SORCS1: variants seen among roughly 807,000 people sequenced by gnomAD.
The protein encoded by SORCS1 is sortilin related VPS10 domain containing receptor 1.
In SORCS1, 60 loss-of-function variants were observed where a neutral mutation model predicts 146.1. That is an observed-to-expected ratio of 0.41 (90% CI 0.33 to 0.51). The LOEUF (loss-of-function observed/expected upper bound fraction) is 0.51, where lower values mean the gene tolerates loss of function less well. Ranked by LOEUF, SORCS1 falls within the 20% of genes least tolerant of loss-of-function variation. The probability of loss-of-function intolerance (pLI) is 0.21; values close to 1 mark genes in which losing one functional copy is unlikely to be tolerated. For synonymous variants in SORCS1, 637 were observed against 584.0 expected (o/e 1.09, Z -1.31); for missense variants, 1,352 against 1,487.6 (o/e 0.91, Z 1.50).
chr10:106,635,179 A>G (rs937256591), intron 18 of SORCS1, among the ~76,000 whole-genome samples: 4 of 152,224 alleles, frequency 2.6e-5, no homozygotes, highest in African/African-American at 7.2e-5. Context: ...CACTGGGACA[A>G]TAAATGCTAT....
intron 1 of SORCS1, among the ~76,000 whole-genome samples, chr10:107,144,707 G>A (rs1968154337): frequency 6.6e-6 from 1 of 152,228 alleles, no homozygotes; most frequent in African/African-American, 2.4e-5. Context: ...CTGTCTCATA[G>A]GGAACAGCTC....
intron 1 of SORCS1, among the ~76,000 whole-genome samples, chr10:107,046,049 C>T (rs976329220): frequency 2.5e-4 from 38 of 152,038 alleles, no homozygotes; most frequent in African/African-American, 8.4e-4. Context: ...CGGGTTCAAG[C>T]GATCCTCCTG....
At chr10:106,879,147 C>CAAAAAAA (rs34140161) in intron 2 of SORCS1, among the ~76,000 whole-genome samples, 3 of 135,966 alleles carry the variant, frequency 2.2e-5, no homozygotes, top group Non-Finnish European at 4.8e-5. Context: ...GAGACTCCAT[C>CAAAAAAA]AAAAAAAAAA....
chr10:106,842,099 G>A (rs1949071335), intron 2 of SORCS1, among the ~76,000 whole-genome samples: 1 of 151,960 alleles, frequency 6.6e-6, no homozygotes, highest in African/African-American at 2.4e-5. Flanking sequence ...TGTTCTCAGT[G>A]TTTTAGATTT....
At chr10:107,175,088 A>G in the SORCS1 span, among the ~76,000 whole-genome samples, 4 of 152,186 alleles carry the variant, frequency 2.6e-5, no homozygotes, top group African/African-American at 9.6e-5. Context: ...AGCTAATTTT[A>G]CCTTCCTAGA....
intron 3 of SORCS1, among the ~76,000 whole-genome samples, chr10:106,799,978 T>C (rs61576041): frequency 0.04 from 6,102 of 152,280 alleles, 398 homozygotes; most frequent in African/African-American, 0.14. Flanking sequence ...GATTCAGAAG[T>C]GACTGAAAGC....
chr10:106,872,249 T>C (rs1950437142), intron 2 of SORCS1, among the ~76,000 whole-genome samples: 2 of 152,156 alleles, frequency 1.3e-5, no homozygotes, highest in South Asian at 2.1e-4. Flanking sequence ...AATGACATAA[T>C]TGGGCCAGGT....
intron 1 of SORCS1, among the ~76,000 whole-genome samples, chr10:107,145,779 G>A (rs1262867017): frequency 2.0e-5 from 3 of 152,130 alleles, no homozygotes; most frequent in Non-Finnish European, 4.4e-5. Context: ...AACTAAAACA[G>A]TTTCTGATTT....
chr10:106,617,623 T>G (rs1050328246), intron 21 of SORCS1, among the ~76,000 whole-genome samples: 5 of 152,320 alleles, frequency 3.3e-5, no homozygotes, highest in Middle Eastern at 6.8e-3. Flanking sequence ...ATTAGCCATT[T>G]GTTCAAATAT....
intron 10 of SORCS1, among the ~76,000 whole-genome samples, chr10:106,682,846 A>C (rs2135578266): frequency 6.6e-6 from 1 of 152,316 alleles, no homozygotes; most frequent in African/African-American, 2.4e-5. Flanking sequence ...TTCCACATTA[A>C]GAAAATGTAG....
intron 3 of SORCS1, among the ~76,000 whole-genome samples, chr10:106,809,125 T>C (rs2136753938): frequency 6.6e-6 from 1 of 152,268 alleles, no homozygotes; most frequent in South Asian, 2.1e-4. Flanking sequence ...AAGGCTTTTT[T>C]CGTTCTTCTT....
chr10:106,679,294 T>C lies in SORCS1; in HGVS notation c.1702A>G (p.Met568Val). 1.2e-6 allele frequency: 2 copies of C among 1,613,460 alleles called. No individual in the cohort carries two copies. Among genetic ancestry groups the C allele is most frequent in the Non-Finnish European group, 1.7e-6 (2 of 1,179,588 alleles). ...TTCCCTGCATCTGAAGAGACAAACA[T>C]GCTGATGTCAGTGTCTGACAATTCA... The part of the protein sequence containing the change: ...GSELSDTDIS[M>V]FVSSDAGNTW... Residue 568 changes from methionine (M) to valine (V), a missense_variant, in exon 12 of 26, where the codon ATG becomes GTG. Around this residue, in one of 3 missense-constraint regions of SORCS1, gnomAD observed 648 missense variants for 793.8 expected, o/e 0.82. Transcript: ENST00000263054.
At chr10:106,910,570 G>A (rs185333717) in intron 2 of SORCS1, among the ~76,000 whole-genome samples, 64 of 152,268 alleles carry the variant, frequency 4.2e-4, no homozygotes, top group Non-Finnish European at 7.6e-4. Context: ...AATGATATAA[G>A]TTAATATAAC....
At chr10:106,923,118 T>C (rs1257716064) in intron 2 of SORCS1, among the ~76,000 whole-genome samples, 1 of 152,174 alleles carries the variant, frequency 6.6e-6, no homozygotes, top group Non-Finnish European at 1.5e-5. Context: ...CTCGATCTCT[T>C]GACCTCGTGA....
chr10:107,151,627 C>T (rs1313496118), intron 1 of SORCS1, among the ~76,000 whole-genome samples: 1 of 152,178 alleles, frequency 6.6e-6, no homozygotes, highest in Non-Finnish European at 1.5e-5. Flanking sequence ...ACCCTAGGTC[C>T]CTCCCACAAC....
At chr10:107,045,971 G>C (rs1008810968) in intron 1 of SORCS1, among the ~76,000 whole-genome samples, 1 of 151,266 alleles carries the variant, frequency 6.6e-6, no homozygotes, top group African/African-American at 2.4e-5. Context: ...TTTTTGAAAC[G>C]GAGTCTTGCT....
intron 1 of SORCS1, among the ~76,000 whole-genome samples, chr10:107,143,982 T>G (rs768158475): frequency 6.6e-6 from 1 of 152,044 alleles, no homozygotes; most frequent in Non-Finnish European, 1.5e-5. Context: ...GATGCCAGTT[T>G]TTCTCTCCAG....
intron 9 of SORCS1, among the ~76,000 whole-genome samples, chr10:106,693,891 C>T (rs754853258): frequency 1.3e-5 from 2 of 152,126 alleles, no homozygotes; most frequent in Non-Finnish European, 2.9e-5. Context: ...AGAGTTTTTG[C>T]TTATTTCTGC....
At chr10:107,157,416 TA>T (rs1040626863) in intron 1 of SORCS1, among the ~76,000 whole-genome samples, 13 of 152,230 alleles carry the variant, frequency 8.5e-5, no homozygotes, top group Admixed American at 3.3e-4. Context: ...TTGTTTTTTT[TA>T]TCTGAGAGTG....
Sources: allele counts gnomAD v4.1 joint callset (sites outside exome capture counted in the v4.1 genomes callset), GRCh38; gene constraint gnomAD v4.1.1; regional missense constraint gnomAD v4.1.1; transcripts MANE v1.5; gene names NCBI Gene and HGNC (gene_info 2026-07-23, HGNC 2026-07-21).